AQR: variants seen among roughly 807,000 people sequenced by gnomAD.
The protein encoded by AQR is RNA helicase aquarius.
A neutral mutation model predicts 180.5 loss-of-function variants in AQR; 61 were observed. That is an observed-to-expected ratio of 0.34 (90% confidence interval 0.28 to 0.42). The LOEUF (loss-of-function observed/expected upper bound fraction) is 0.42. AQR is among the 10% of genes least tolerant of loss of function. The probability of loss-of-function intolerance (pLI) is 1.00; values close to 1 mark genes in which losing one functional copy is unlikely to be tolerated. For synonymous variants in AQR, 551 were observed against 588.8 expected (o/e 0.94, Z 0.93); for missense variants, 1,281 against 1,798.3 (o/e 0.71, Z 5.20).
At chr15:34,904,101 T>C (rs192742545) in intron 19 of AQR, among the ~76,000 whole-genome samples, 141 of 152,230 alleles carry the variant, frequency 9.3e-4, no homozygotes, top group African/African-American at 3.3e-3. Flanking sequence ...GATTCATCTA[T>C]ATTTTAAGTT....
chr15:34,865,347 C>G (rs904257555), intron 32 of AQR, among the ~76,000 whole-genome samples: 1 of 152,110 alleles, frequency 6.6e-6, no homozygotes, highest in South Asian at 2.1e-4. Context: ...CCAGAACTGT[C>G]CCACTACTCT....
At chr15:34,953,988 C>T (rs1045619954) in intron 3 of AQR, among the ~76,000 whole-genome samples, 13 of 152,336 alleles carry the variant, frequency 8.5e-5, no homozygotes, top group African/African-American at 2.2e-4. Context: ...GATCTCGGTA[C>T]ACTGCAACCT....
chr15:34,953,893 A>G (rs1030049264), intron 3 of AQR, among the ~76,000 whole-genome samples: 1 of 152,160 alleles, frequency 6.6e-6, no homozygotes, highest in African/African-American at 2.4e-5. Context: ...TACTTTGACA[A>G]TGTCTTTTAA....
intron 6 of AQR, among the ~76,000 whole-genome samples, chr15:34,942,608 T>C (rs781733591): frequency 2.0e-4 from 31 of 152,224 alleles, no homozygotes; most frequent in Non-Finnish European, 3.8e-4. Context: ...TAAATACGTA[T>C]GTTAGATAAG....
chr15:34,852,444 T>C lies in AQR; in HGVS notation c.*4348A>G, dbSNP rs1446014070. 1 of 152,268 alleles carries C rather than the reference T, an allele frequency of 6.6e-6. No individual in the cohort carries two copies. Among genetic ancestry groups the C allele is most frequent in the African/African-American group, 2.4e-5 (1 of 41,460 alleles). 9.4% of individuals were successfully genotyped at this position (152,268 alleles called of 1,614,324 possible). ...CCTGGGCCTCCCAAAGTGCTGGGATTACAGGCGTGAGCCACTGCACCCGGC... is the reference window on the plus strand; with the variant it reads ...CCTGGGCCTCCCAAAGTGCTGGGATCACAGGCGTGAGCCACTGCACCCGGC... On this transcript the variant is annotated 3_prime_UTR_variant, in exon 35 of 35. Transcript: ENST00000156471.
At chr15:34,922,163 A>AT (rs1893693222) in intron 13 of AQR, among the ~76,000 whole-genome samples, 1 of 151,972 alleles carries the variant, frequency 6.6e-6, no homozygotes, top group Non-Finnish European at 1.5e-5. Context: ...AATGCATTTG[A>AT]GCATTTGAGA....
chr15:34,936,990 T>G (rs1461814727), intron 9 of AQR, among the ~76,000 whole-genome samples: 1 of 152,176 alleles, frequency 6.6e-6, no homozygotes, highest in Admixed American at 6.5e-5. Flanking sequence ...GTGGAAAGAT[T>G]TAGATATACT....
chr15:34,863,100 T>C, intron 32 of AQR, 59 bp from the exon 33 acceptor site: 1 of 1,417,692 alleles, frequency 7.1e-7, no homozygotes, highest in South Asian at 1.5e-5. Context: ...TTAAGCAGCT[T>C]TTTTTTTTTT....
chr15:34,940,044 G>C (rs1893999965), intron 8 of AQR, among the ~76,000 whole-genome samples: 1 of 152,182 alleles, frequency 6.6e-6, no homozygotes, highest in East Asian at 1.9e-4. Flanking sequence ...ATGTGTTCTA[G>C]GAGTTCAGAT....
intron 2 of AQR, 28 bp from the exon 3 acceptor site, chr15:34,960,842 T>C: frequency 3.8e-6 from 3 of 785,708 alleles, no homozygotes; most frequent in Non-Finnish European, 3.9e-6. Context: ...AAATGTTTAA[T>C]ATCTCAACAA....
intron 3 of AQR, among the ~76,000 whole-genome samples, chr15:34,958,376 C>T (rs1279202980): frequency 6.6e-6 from 1 of 151,970 alleles, no homozygotes; most frequent in Non-Finnish European, 1.5e-5. Flanking sequence ...ATTAGCTGGG[C>T]ATGGTGGTTT....
chr15:34,867,947 G>T, intron 31 of AQR: 1 of 210,064 alleles, frequency 4.8e-6, no homozygotes, highest in Non-Finnish European at 9.4e-6. Flanking sequence ...TGGTATCCCA[G>T]TTTGATGCTC....
intron 3 of AQR, among the ~76,000 whole-genome samples, chr15:34,958,421 T>C (rs924802302): frequency 6.6e-6 from 1 of 151,770 alleles, no homozygotes; most frequent in Non-Finnish European, 1.5e-5. Flanking sequence ...GAGGCTAAGG[T>C]TGGGGGATCA....
chr15:34,936,832 G>A (rs371192526), intron 9 of AQR, among the ~76,000 whole-genome samples: 11 of 151,918 alleles, frequency 7.2e-5, no homozygotes, highest in South Asian at 4.2e-4. Context: ...AAACCTAGAC[G>A]ACCCTAGATA....
At chr15:34,937,892 AT>A (rs1893968655) in intron 9 of AQR, among the ~76,000 whole-genome samples, 1 of 150,102 alleles carries the variant, frequency 6.7e-6, no homozygotes, top group Admixed American at 6.7e-5. Flanking sequence ...TCAAAAAAAA[AT>A]AATAATAATT....
At chr15:34,965,727 AG>A (rs2050307122) in intron 1 of AQR, among the ~76,000 whole-genome samples, 1 of 152,162 alleles carries the variant, frequency 6.6e-6, no homozygotes, top group African/African-American at 2.4e-5. Flanking sequence ...CCAACTCAAT[AG>A]AAAATCTTCA....
Position 34,882,483 on chromosome 15 carries a change from A to AC in AQR, c.3165+18_3165+19insG. On this transcript the variant is annotated intron_variant, in intron 27 of 34. Transcript: ENST00000156471. ...ATAATCTTAAAAAAAAAAAAAAAAA[A>AC]ACTACCATAAGTCTTTACCTTGAAA... is the stretch of plus-strand genomic sequence containing the variant. 6.8e-7 allele frequency: 1 copy of AC among 1,476,662 alleles called. No homozygotes were observed. The highest frequency in any genetic ancestry group is 9.0e-7 in the Non-Finnish European group (1 of 1,112,768). 91.5% of individuals were successfully genotyped at this position (1,476,662 alleles called of 1,614,324 possible). A position where few individuals can be genotyped will look rare whatever the true frequency, so the allele number is the denominator to read the frequency against.
chr15:34,874,898 T>C (rs771588027), intron 28 of AQR, 34 bp from the exon 29 acceptor site: 2 of 1,573,810 alleles, frequency 1.3e-6, no homozygotes, highest in Admixed American at 3.5e-5. Flanking sequence ...GGCAAAATAC[T>C]CTATTATCCT....
intron 16 of AQR, 146 bp from the exon 17 acceptor site, chr15:34,910,459 AG>A (rs2060840914): frequency 1.1e-6 from 1 of 910,204 alleles, no homozygotes; most frequent in Admixed American, 2.9e-5. Flanking sequence ...CTTAAAAAAA[AG>A]AAAACCTTTA....
Sources: allele counts gnomAD v4.1 joint callset (sites outside exome capture counted in the v4.1 genomes callset), GRCh38; gene constraint gnomAD v4.1.1; transcripts MANE v1.5; gene names NCBI Gene and HGNC (gene_info 2026-07-23, HGNC 2026-07-21).